The following SNTG1 variants were observed in gnomAD, a reference collection of about 807,000 sequenced individuals.
The protein encoded by SNTG1 is gamma-1-syntrophin.
In SNTG1, 39 loss-of-function variants were observed where a neutral mutation model predicts 74.7. The observed-to-expected ratio is 0.52, with a 90% CI of 0.40 to 0.68. The LOEUF is 0.68. SNTG1 is among the 30% of genes least tolerant of loss of function. The probability of loss-of-function intolerance (pLI) is 0.00; values close to 1 mark genes in which losing one functional copy is unlikely to be tolerated. For synonymous variants in SNTG1, 254 were observed against 217.1 expected (o/e 1.17, Z -1.49); for missense variants, 685 against 609.5 (o/e 1.12, Z -1.30).
intron 4 of SNTG1, among the ~76,000 whole-genome samples, chr8:50,422,102 G>A (rs1265171323): frequency 2.0e-5 from 3 of 152,126 alleles, no homozygotes; most frequent in Non-Finnish European, 4.4e-5. Flanking sequence ...TGCATTAATG[G>A]AGATTCTCTA....
At chr8:50,533,115 G>A (rs966163669) in intron 10 of SNTG1, among the ~76,000 whole-genome samples, 2 of 152,150 alleles carry the variant, frequency 1.3e-5, no homozygotes, top group Non-Finnish European at 2.9e-5. Flanking sequence ...CACTTGTTTT[G>A]CCAACCAAGA....
chr8:50,270,201 T>G (rs1445907391), intron 2 of SNTG1, among the ~76,000 whole-genome samples: 1 of 152,154 alleles, frequency 6.6e-6, no homozygotes, highest in African/African-American at 2.4e-5. Context: ...GGCCAGATTT[T>G]AGGTTTTGAA....
At chr8:50,279,117 A>AT (rs2088286988) in intron 2 of SNTG1, among the ~76,000 whole-genome samples, 1 of 152,176 alleles carries the variant, frequency 6.6e-6, no homozygotes. Context: ...TAAATGATGC[A>AT]TAAAAAATGC....
At chr8:50,153,978 T>C (rs181978330) in intron 1 of SNTG1, among the ~76,000 whole-genome samples, 20 of 152,290 alleles carry the variant, frequency 1.3e-4, no homozygotes, top group Non-Finnish European at 2.1e-4. Flanking sequence ...TGCCTTTTGT[T>C]AGGCTATGCC....
chr8:50,462,066 T>A (rs1587706026), intron 8 of SNTG1, among the ~76,000 whole-genome samples: 1 of 152,046 alleles, frequency 6.6e-6, no homozygotes. Context: ...CAATGACAGG[T>A]GCACCAAAAT....
chr8:50,069,811 C>A (rs1821208499), intron 1 of SNTG1, among the ~76,000 whole-genome samples: 1 of 151,800 alleles, frequency 6.6e-6, no homozygotes, highest in Non-Finnish European at 1.5e-5. Flanking sequence ...AATCCCCCAC[C>A]CTTCCTGCTG....
rs529933112 is a variant in SNTG1, at chr8:50,704,604, G to A, written c.1043G>A (p.Ser348Asn). Residue 348 changes from serine (S) to asparagine (N), a missense_variant, in exon 16 of 19, where the codon AGT (serine) becomes AAT (asparagine). By Grantham distance (46) the Ser-to-Asn change is conservative. Transcript: ENST00000642720. ...GTAACTCCAGGTTTTCACCAGGACAGTGACCTGCTGGACCGACGGAAACAG... is the reference window on the plus strand; with the variant it reads ...GTAACTCCAGGTTTTCACCAGGACAATGACCTGCTGGACCGACGGAAACAG... ...YEIMCKILKD[S>N]DLLDRRKQCF... 3.7e-6 allele frequency: 6 copies of A among 1,614,158 alleles called. No homozygotes were observed. The East Asian group carries it at 6.7e-5, about 18-fold the overall frequency.
At chr8:50,734,757 CTA>C (rs1193603335) in intron 17 of SNTG1, among the ~76,000 whole-genome samples, 3 of 111,006 alleles carry the variant, frequency 2.7e-5, no homozygotes, top group Non-Finnish European at 4.9e-5. Flanking sequence ...ATATAGATAT[CTA>C]TATATATGGA....
intron 17 of SNTG1, among the ~76,000 whole-genome samples, chr8:50,709,937 G>A (rs2095457045): frequency 1.3e-5 from 2 of 152,130 alleles, no homozygotes; most frequent in South Asian, 4.1e-4. Context: ...GTTTTGTGTA[G>A]GATTTTCTAA....
chr8:50,588,208 A>T (rs995353510), intron 12 of SNTG1, among the ~76,000 whole-genome samples: 3 of 152,186 alleles, frequency 2.0e-5, no homozygotes, highest in African/African-American at 7.2e-5. Flanking sequence ...ATAAGTACTA[A>T]CAATATAACA....
At chr8:50,509,447 G>T (rs2094043882) in intron 9 of SNTG1, among the ~76,000 whole-genome samples, 1 of 152,124 alleles carries the variant, frequency 6.6e-6, no homozygotes, top group South Asian at 2.1e-4. Flanking sequence ...TTCCAATTCT[G>T]TGAAGAAACT....
chr8:50,397,919 A>ACTT (rs2092749012), intron 3 of SNTG1, among the ~76,000 whole-genome samples: 1 of 152,218 alleles, frequency 6.6e-6, no homozygotes, highest in Non-Finnish European at 1.5e-5. Flanking sequence ...ATAAATTAAT[A>ACTT]CTTCTTGTCA....
In SNTG1 at chr8:50,056,873, T is replaced by C. The variant is rs1820069486; in HGVS notation, c.-102-115688T>C. 2.0e-5 allele frequency among the ~76,000 whole-genome samples: 3 copies of C among 152,204 alleles called. No homozygotes were observed. The South Asian group carries it at 6.2e-4, about 31-fold the overall frequency. The stretch of plus-strand genomic sequence containing the variant: ...TTGTTAGGATCAAGGGCAGGCATGT[T>C]TTATTTCAAAATAAACAAGCAAGCC... On this transcript the variant is annotated intron_variant, in intron 1 of 18. Coordinates refer to ENST00000642720, the MANE Select transcript of SNTG1 (RefSeq NM_018967.5).
At chr8:50,269,388 C>G (rs1028357288) in intron 2 of SNTG1, among the ~76,000 whole-genome samples, 2 of 151,994 alleles carry the variant, frequency 1.3e-5, no homozygotes, top group Non-Finnish European at 2.9e-5. Flanking sequence ...AAAATTTGAG[C>G]AAAATTTGTT....
At chr8:50,394,923 G>A (rs1177820932) in intron 3 of SNTG1, among the ~76,000 whole-genome samples, 3 of 148,486 alleles carry the variant, frequency 2.0e-5, no homozygotes, top group East Asian at 2.0e-4. Flanking sequence ...ACAAATACTT[G>A]CAGCTTAAAA....
intron 8 of SNTG1, among the ~76,000 whole-genome samples, chr8:50,484,137 C>CTTTCCTTCT (rs1563453444): frequency 1.8e-4 from 10 of 55,866 alleles, no homozygotes; most frequent in South Asian, 5.0e-4. Context: ...TCTTTCTTTC[C>CTTTCCTTCT]TTCTTTCTTT....
In SNTG1 at chr8:50,233,790, C is replaced by T. The variant is rs568715517; in HGVS notation, c.-28+61155C>T. Among the ~76,000 whole-genome samples, 31 of 151,524 alleles carry T rather than the reference C, an allele frequency of 2.0e-4. No homozygotes were observed. The South Asian group carries it at 6.5e-3, about 32-fold the overall frequency. ...AGGCTATATGGATGGCAAATAAGCA[C>T]CTGATAGAATGTTAAACATCATTAA... On this transcript the variant is annotated intron_variant, in intron 2 of 18. Coordinates refer to ENST00000642720, the MANE Select transcript of SNTG1 (RefSeq NM_018967.5).
Position 50,186,659 on chromosome 8 carries a change from G to A in SNTG1, c.-28+14024G>A, listed in dbSNP as rs554685914. 2.7e-3 allele frequency among the ~76,000 whole-genome samples: 406 copies of A among 151,770 alleles called. 2 individuals carry two copies. Among genetic ancestry groups the A allele is most frequent in the South Asian group, 0.013 (62 of 4,808 alleles). Reference sequence around the variant, plus strand: ...GCTTTTTTTCATATGTTTGTTGGCGGCATAAATGTCTTTTTTTTTGAGAAG... The same window carrying A: ...GCTTTTTTTCATATGTTTGTTGGCGACATAAATGTCTTTTTTTTTGAGAAG... On this transcript the variant is annotated intron_variant, in intron 2 of 18. Coordinates refer to ENST00000642720, the MANE Select transcript of SNTG1 (RefSeq NM_018967.5).
chr8:50,178,734 G>T, intron 2 of SNTG1, among the ~76,000 whole-genome samples: 1 of 151,966 alleles, frequency 6.6e-6, no homozygotes. Flanking sequence ...ATCATATCGA[G>T]ATATATATTT....
Sources: gnomAD v4.1 joint callset for allele counts (sites outside exome capture counted in the v4.1 genomes callset) on GRCh38, gnomAD v4.1.1 for gene constraint, MANE v1.5 for transcripts, NCBI Gene and HGNC (gene_info 2026-07-23, HGNC 2026-07-21) for gene names.